DCAF13: variants seen among roughly 807,000 people sequenced by gnomAD.
The protein encoded by DCAF13 is DDB1- and CUL4-associated factor 13.
A neutral mutation model predicts 59.0 loss-of-function variants in DCAF13; 38 were observed. The observed-to-expected ratio is 0.64, with a 90% CI of 0.50 to 0.84. The LOEUF is 0.84. DCAF13 is among the 40% of genes least tolerant of loss of function. The pLI, the probability that DCAF13 is intolerant of heterozygous loss-of-function variation, is 0.00. For synonymous variants in DCAF13, 173 were observed against 175.0 expected (o/e 0.99, Z 0.09); for missense variants, 469 against 558.4 (o/e 0.84, Z 1.61).
rs1448201487 is a variant in DCAF13 at position 103,415,417 on chromosome 8, T to G, written c.-30T>G. The G allele has an allele frequency of 6.2e-7, 1 of 1,613,994 alleles. No homozygotes were observed. The highest frequency in any genetic ancestry group is 1.1e-5 in the South Asian group (1 of 91,082). Reference sequence around the variant, plus strand: ...GTGGGCGGAACTCCTAGCGGACACCTCGTGGAGTCCGGCCGGAAGAGCAAC... The same window carrying G: ...GTGGGCGGAACTCCTAGCGGACACCGCGTGGAGTCCGGCCGGAAGAGCAAC... On this transcript the variant is annotated 5_prime_UTR_variant, in exon 1 of 11. Transcript: ENST00000612750.
At chr8:103,440,423 T>C (rs1816994824) in intron 9 of DCAF13, 152 bp downstream of exon 9, 3 of 596,274 alleles carry the variant, frequency 5.0e-6, no homozygotes, top group South Asian at 2.8e-5. Flanking sequence ...CAAGGTTGTA[T>C]TGATAATTAT....
At position 103,427,270 on chromosome 8, in the gene DCAF13, G is replaced by A. The variant is rs1472474982; in HGVS notation, c.624+18G>A. On this transcript the variant is annotated intron_variant, in intron 5 of 10. Coordinates refer to ENST00000612750, the MANE Select transcript of DCAF13 (RefSeq NM_015420.7). Reference sequence around the variant, plus strand: ...CAATTGAGGTAATGTTTTTTTTTAAGTATGTTTTACTTATTATGGCTTAAT... The same window carrying A: ...CAATTGAGGTAATGTTTTTTTTTAAATATGTTTTACTTATTATGGCTTAAT... The A allele has an allele frequency of 5.6e-6, 9 of 1,594,974 alleles. No homozygotes were observed. Among genetic ancestry groups the A allele is most frequent in the Non-Finnish European group, 7.7e-6 (9 of 1,166,182 alleles).
Position 103,435,804 on chromosome 8 carries a change from AG to A in DCAF13, c.950+15del, listed in dbSNP as rs752082252. 6.2e-7 allele frequency: 1 copy of A among 1,612,408 alleles called. No homozygotes were observed. Among genetic ancestry groups the A allele is most frequent in the Admixed American group, 1.7e-5 (1 of 59,968 alleles). On this transcript the variant is annotated intron_variant, in intron 8 of 10. Transcript: ENST00000612750. ...AAGTCGAAGCAGGTATGTGCCTACCAGTAAGCCATTTATATTCATATGTCAC... is the reference window on the plus strand; with the variant it reads ...AAGTCGAAGCAGGTATGTGCCTACCATAAGCCATTTATATTCATATGTCAC...
At chr8:103,422,056 T>A (rs1816728938) in intron 3 of DCAF13, among the ~76,000 whole-genome samples, 1 of 152,218 alleles carries the variant, frequency 6.6e-6, no homozygotes, top group South Asian at 2.1e-4. Context: ...ATTTTAATAG[T>A]TTGGCAGGCA....
At chr8:103,415,793 G>C (rs1019237917) in intron 1 of DCAF13, among the ~76,000 whole-genome samples, 1 of 152,210 alleles carries the variant, frequency 6.6e-6, no homozygotes. Context: ...CTCTGGGATT[G>C]TCTTCAGGTT....
chr8:103,437,695 A>G (rs1816950666), intron 8 of DCAF13, among the ~76,000 whole-genome samples: 1 of 152,116 alleles, frequency 6.6e-6, no homozygotes. Flanking sequence ...CTATCATTAT[A>G]AACATCAAAT....
chr8:103,438,950 A>C (rs113087306), intron 8 of DCAF13, among the ~76,000 whole-genome samples: 7 of 152,330 alleles, frequency 4.6e-5, no homozygotes, highest in African/African-American at 1.7e-4. Flanking sequence ...TTCTTCTAGC[A>C]TATTTCACAG....
At chr8:103,436,478 C>A (rs1816936309) in intron 8 of DCAF13, among the ~76,000 whole-genome samples, 1 of 152,088 alleles carries the variant, frequency 6.6e-6, no homozygotes, top group African/African-American at 2.4e-5. Flanking sequence ...ATTTTGTAAG[C>A]ACATAGAGTG....
At chr8:103,439,244 G>A (rs1349088086) in intron 8 of DCAF13, among the ~76,000 whole-genome samples, 1 of 151,994 alleles carries the variant, frequency 6.6e-6, no homozygotes, top group African/African-American at 2.4e-5. Flanking sequence ...ACCTACTGCA[G>A]CCTCCCAAAG....
At chr8:103,420,183 T>A in intron 1 of DCAF13, 81 bp from the exon 2 acceptor site, 2 of 1,260,020 alleles carry the variant, frequency 1.6e-6, no homozygotes, top group East Asian at 4.6e-5. Context: ...TAAATGCTTA[T>A]TGAATAACAG....
intron 7 of DCAF13, among the ~76,000 whole-genome samples, chr8:103,434,644 T>C (rs1563505892): frequency 6.6e-6 from 1 of 152,190 alleles, no homozygotes; most frequent in East Asian, 1.9e-4. Flanking sequence ...GTAGATATCC[T>C]CTTCTCAGAC....
At chr8:103,441,369 TA>T (rs1182761997) in intron 9 of DCAF13, 85 bp from the exon 10 acceptor site, 109 of 1,296,318 alleles carry the variant, frequency 8.4e-5, no homozygotes, top group South Asian at 1.5e-4. Context: ...AAGATTAGGT[TA>T]GGGGGAAAAG....
chr8:103,421,589 CCT>C (rs1816723460), intron 3 of DCAF13, among the ~76,000 whole-genome samples: 1 of 152,170 alleles, frequency 6.6e-6, no homozygotes, highest in Non-Finnish European at 1.5e-5. Flanking sequence ...AACAATAACT[CCT>C]CTGTCCCCTC....
At chr8:103,441,369 T>A in intron 9 of DCAF13, 86 bp from the exon 10 acceptor site, 1 of 1,296,322 alleles carries the variant, frequency 7.7e-7, no homozygotes, top group Non-Finnish European at 1.1e-6. Flanking sequence ...AAGATTAGGT[T>A]AGGGGGAAAA....
chr8:103,426,290 A>T, intron 4 of DCAF13, 145 bp downstream of exon 4: 1 of 515,242 alleles, frequency 1.9e-6, no homozygotes, highest in Non-Finnish European at 3.4e-6. Flanking sequence ...CATTTACGCA[A>T]TATTTAATGC....
chr8:103,415,628 C>A, intron 1 of DCAF13, 112 bp downstream of exon 1: 1 of 1,080,924 alleles, frequency 9.3e-7, no homozygotes, highest in Non-Finnish European at 1.3e-6. Flanking sequence ...GGTTCTTTCT[C>A]AGTTACCTTT....
At position 103,418,844 on chromosome 8, in the gene DCAF13, A is replaced by ATT. The variant is rs1563723997; in HGVS notation, c.71-1419_71-1418insTT. Among the ~76,000 whole-genome samples the ATT allele has an allele frequency of 3.9e-4, 6 of 15,396 alleles. 1 individual carries two copies. The highest frequency in any genetic ancestry group is 1.6e-3 in the Admixed American group (2 of 1,226). 10.1% of individuals were successfully genotyped at this position (15,396 alleles called of 152,430 possible). ...CATAATTATATATATATATATATATATATATATATATATATATATATATTT... is the reference window on the plus strand; with the variant it reads ...CATAATTATATATATATATATATATATTTATATATATATATATATATATATTT... On this transcript the variant is annotated intron_variant, in intron 1 of 10. Transcript: ENST00000612750.
chr8:103,416,723 C>T (rs1816621876), intron 1 of DCAF13, among the ~76,000 whole-genome samples: 2 of 152,102 alleles, frequency 1.3e-5, no homozygotes, highest in South Asian at 2.1e-4. Context: ...ACTTAGCCTC[C>T]AAAAAGGGGA....
At chr8:103,430,742 T>C in intron 6 of DCAF13, 53 bp downstream of exon 6, 2 of 1,313,084 alleles carry the variant, frequency 1.5e-6, no homozygotes, top group Non-Finnish European at 2.1e-6. Context: ...TATATTTCTC[T>C]GTAAATAGAG....
Sources: gnomAD v4.1 joint callset for allele counts (sites outside exome capture counted in the v4.1 genomes callset) on GRCh38, gnomAD v4.1.1 for gene constraint, MANE v1.5 for transcripts, NCBI Gene and HGNC (gene_info 2026-07-23, HGNC 2026-07-21) for gene names.